The following PARM1 variants were observed in gnomAD, a reference collection of about 807,000 sequenced individuals.
PARM1 encodes WSC4, cell wall integrity and stress response component 4 homolog.
PARM1 carries 14 observed loss-of-function variants against 24.6 expected under a neutral mutation model. That is an observed-to-expected ratio of 0.57 (90% confidence interval 0.38 to 0.89). PARM1 has a LOEUF of 0.89. Among genes scored for constraint, PARM1 ranks in the 40% least tolerant of loss-of-function variants. The pLI, the probability that PARM1 is intolerant of heterozygous loss-of-function variation, is 0.00. For missense variants in PARM1, 362 were observed against 380.4 expected, an observed-to-expected ratio of 0.95 and a Z score of 0.40; for synonymous variants, 179 against 156.6, an observed-to-expected ratio of 1.14 and a Z score of -1.07.
rs951828856 is a variant in PARM1, at chr4:74,952,362, C to A, written c.43+18992C>A. Reference sequence around the variant, plus strand: ...AGCCCTTTGTCAGATGGATAGATTACAAACATTTTCTCCCATTCTGTAGGT... The same window carrying A: ...AGCCCTTTGTCAGATGGATAGATTAAAAACATTTTCTCCCATTCTGTAGGT... On this transcript the variant is annotated intron_variant, in intron 1 of 3. Coordinates refer to ENST00000307428, the MANE Select transcript of PARM1 (RefSeq NM_015393.4). Among the ~76,000 whole-genome samples the A allele has an allele frequency of 2.0e-5, 3 of 152,082 alleles. No homozygotes were observed. The East Asian group carries it at 5.8e-4, about 29-fold the overall frequency.
chr4:75,032,023 G>A (rs1278132540), intron 2 of PARM1, among the ~76,000 whole-genome samples: 2 of 152,126 alleles, frequency 1.3e-5, no homozygotes, highest in South Asian at 2.1e-4. Flanking sequence ...AACTGACCTC[G>A]GACTTTCTCT....
At chr4:75,011,148 A>G (rs1436100991) in intron 1 of PARM1, among the ~76,000 whole-genome samples, 2 of 152,172 alleles carry the variant, frequency 1.3e-5, no homozygotes, top group Admixed American at 1.3e-4. Context: ...TATGACCAAA[A>G]CAACCCCCAC....
intron 1 of PARM1, among the ~76,000 whole-genome samples, chr4:74,936,986 G>C (rs577488799): frequency 6.6e-6 from 1 of 152,122 alleles, no homozygotes; most frequent in Non-Finnish European, 1.5e-5. Context: ...CTGCGCAGAC[G>C]TATTGGTCCC....
At chr4:75,006,465 C>T (rs1016783637) in intron 1 of PARM1, among the ~76,000 whole-genome samples, 3 of 152,084 alleles carry the variant, frequency 2.0e-5, no homozygotes, top group Non-Finnish European at 4.4e-5. Context: ...CTACAAAGGA[C>T]ATGAACTCAT....
At chr4:75,005,642 A>G (rs1210619549) in intron 1 of PARM1, among the ~76,000 whole-genome samples, 5 of 152,196 alleles carry the variant, frequency 3.3e-5, no homozygotes, top group Admixed American at 2.6e-4. Flanking sequence ...CAAGCCAAAC[A>G]CTAGCTCTTT....
chr4:75,018,213 G>C (rs1471069132), intron 2 of PARM1, among the ~76,000 whole-genome samples: 1 of 152,160 alleles, frequency 6.6e-6, no homozygotes, highest in Non-Finnish European at 1.5e-5. Flanking sequence ...ATGGCATAGT[G>C]AGTAACCTAG....
chr4:75,042,224 T>A (rs972048345), intron 3 of PARM1, among the ~76,000 whole-genome samples: 1 of 152,164 alleles, frequency 6.6e-6, no homozygotes, highest in Non-Finnish European at 1.5e-5. Context: ...CAGCAACATG[T>A]TAGGTGTTTC....
chr4:75,022,725 T>C (rs958401348), intron 2 of PARM1, among the ~76,000 whole-genome samples: 2 of 152,210 alleles, frequency 1.3e-5, no homozygotes, highest in African/African-American at 4.8e-5. Flanking sequence ...CTTGATTCCA[T>C]ACCCTGACTG....
chr4:75,025,141 G>A (rs575431945), intron 2 of PARM1, among the ~76,000 whole-genome samples: 3 of 152,308 alleles, frequency 2.0e-5, no homozygotes, highest in South Asian at 4.1e-4. Context: ...TGAGCAAGAC[G>A]GTGGCATGCT....
chr4:75,023,101 G>A (rs1160376780), intron 2 of PARM1, among the ~76,000 whole-genome samples: 1 of 152,186 alleles, frequency 6.6e-6, no homozygotes. Context: ...ATCTCAGTAG[G>A]TCCATGGATG....
At chr4:74,943,919 C>T (rs1721360700) in intron 1 of PARM1, among the ~76,000 whole-genome samples, 2 of 152,170 alleles carry the variant, frequency 1.3e-5, no homozygotes, top group African/African-American at 4.8e-5. Flanking sequence ...ATTTCCTTGA[C>T]CTTAGAGACC....
chr4:75,027,235 T>C (rs1267732930), intron 2 of PARM1, among the ~76,000 whole-genome samples: 1 of 152,068 alleles, frequency 6.6e-6, no homozygotes, highest in Non-Finnish European at 1.5e-5. Flanking sequence ...CTGACACTTG[T>C]CTCCGCCATG....
chr4:75,001,046 T>C (rs1722671333), intron 1 of PARM1, among the ~76,000 whole-genome samples: 1 of 152,212 alleles, frequency 6.6e-6, no homozygotes, highest in Non-Finnish European at 1.5e-5. Context: ...TCTTTGTGCC[T>C]CAATTTGCTC....
At chr4:75,003,349 T>C (rs1722716330) in intron 1 of PARM1, among the ~76,000 whole-genome samples, 1 of 151,896 alleles carries the variant, frequency 6.6e-6, no homozygotes, top group South Asian at 2.1e-4. Flanking sequence ...AAATGGCATA[T>C]TTTTCTCCCA....
chr4:75,002,556 G>A (rs185056521), intron 1 of PARM1, among the ~76,000 whole-genome samples: 2 of 152,278 alleles, frequency 1.3e-5, no homozygotes, highest in East Asian at 1.9e-4. Flanking sequence ...TGCAGGCACA[G>A]GAGTGAGGAT....
chr4:75,003,051 C>T (rs184181346), intron 1 of PARM1, among the ~76,000 whole-genome samples: 12 of 152,286 alleles, frequency 7.9e-5, no homozygotes, highest in Admixed American at 3.9e-4. Context: ...TGTTGTCCTT[C>T]GGAAAATCTC....
chr4:75,014,102 A>G (rs75756615), intron 2 of PARM1, among the ~76,000 whole-genome samples: 1 of 152,216 alleles, frequency 6.6e-6, no homozygotes, highest in Non-Finnish European at 1.5e-5. Context: ...TTCCAGACAG[A>G]ACCCTGCATG....
chr4:75,012,576 G>T lies in PARM1; in HGVS notation c.195G>T (p.Val65=). The change falls in exon 2 of 4, where the codon GTG becomes GTT. Residue 65 remains valine, a synonymous_variant. Coordinates refer to ENST00000307428, the MANE Select transcript of PARM1 (RefSeq NM_015393.4). ...CCAACGGCACTCACAACAACTCGGT[G>T]CTCCCAGTTACAGCATCAGCCCCAA... ...SPSNGTHNNS[V]LPVTASAPTS... The T allele has an allele frequency of 6.2e-7, 1 of 1,613,942 alleles. No homozygotes were observed. The highest frequency in any genetic ancestry group is 8.5e-7 in the Non-Finnish European group (1 of 1,179,884).
At chr4:74,984,790 A>G (rs985638278) in intron 1 of PARM1, among the ~76,000 whole-genome samples, 2 of 152,218 alleles carry the variant, frequency 1.3e-5, no homozygotes, top group African/African-American at 4.8e-5. Context: ...ATTTTTGTTC[A>G]ACCTGTGAAT....
Sources: gnomAD v4.1 joint callset for allele counts (sites outside exome capture counted in the v4.1 genomes callset) on GRCh38, gnomAD v4.1.1 for gene constraint, MANE v1.5 for transcripts, NCBI Gene and HGNC (gene_info 2026-07-23, HGNC 2026-07-21) for gene names.